Variants in OPHN1 observed in about 807,000 individuals in gnomAD.
The protein encoded by OPHN1 is oligophrenin 1.
OPHN1 carries 11 observed loss-of-function variants against 60.7 expected under a neutral mutation model. That is an observed-to-expected ratio of 0.18 (90% CI 0.11 to 0.30). OPHN1 has a LOEUF of 0.30. Ranked by LOEUF, OPHN1 falls within the 10% of genes least tolerant of loss-of-function variation. The pLI, the probability that OPHN1 is intolerant of heterozygous loss-of-function variation, is 1.00. For synonymous variants in OPHN1, 226 were observed against 222.6 expected (o/e 1.02, Z -0.14); for missense variants, 449 against 611.0 (o/e 0.73, Z 2.80).
chrX:68,274,935 T>C, intron 4 of OPHN1, 126 bp from the exon 5 acceptor site: 1 of 478,336 alleles, frequency 2.1e-6, no homozygotes, highest in Non-Finnish European at 3.6e-6. Flanking sequence ...GCTGATTTGT[T>C]GGGTTTTGTT....
At chrX:68,259,644 A>G (rs1355403684) in intron 5 of OPHN1, among the ~76,000 whole-genome samples, 2 of 111,594 alleles carry the variant, frequency 1.8e-5, no homozygotes, top group Non-Finnish European at 3.8e-5. Context: ...CTATGTGGTA[A>G]GTACTATAAT....
intron 2 of OPHN1, among the ~76,000 whole-genome samples, chrX:68,343,328 A>G (rs1423305214): frequency 9.2e-6 from 1 of 108,194 alleles, no homozygotes; most frequent in Non-Finnish European, 1.9e-5. Flanking sequence ...CACAGCTGTA[A>G]TCCCAGCACT....
chrX:68,339,085 A>AT (rs1569285077), intron 2 of OPHN1, among the ~76,000 whole-genome samples: 5 of 99,571 alleles, frequency 5.0e-5, no homozygotes, highest in African/African-American at 1.6e-4. Flanking sequence ...CTGAAAAAAA[A>AT]AAATATATAT....
At chrX:68,264,619 ATTT>A (rs1467569795) in intron 5 of OPHN1, among the ~76,000 whole-genome samples, 1 of 111,834 alleles carries the variant, frequency 8.9e-6, no homozygotes, top group East Asian at 2.8e-4. Flanking sequence ...AAGATGGGTG[ATTT>A]CTGCATTTCC....
chrX:68,211,942 G>T (rs1031411979), intron 8 of OPHN1, among the ~76,000 whole-genome samples, 166 bp downstream of exon 8: 1 of 112,113 alleles, frequency 8.9e-6, no homozygotes, highest in Non-Finnish European at 1.9e-5. Flanking sequence ...TGTGAAAGTG[G>T]AAGAGCAAGA....
At chrX:68,223,215 C>A (rs1271105630) in intron 6 of OPHN1, among the ~76,000 whole-genome samples, 1 of 111,857 alleles carries the variant, frequency 8.9e-6, no homozygotes, top group Non-Finnish European at 1.9e-5. Flanking sequence ...GAAGTCATTA[C>A]ATCAGAAAAG....
chrX:68,215,339 A>G (rs960727567), intron 6 of OPHN1, among the ~76,000 whole-genome samples: 13 of 111,701 alleles, frequency 1.2e-4, no homozygotes, highest in Admixed American at 9.5e-4. Flanking sequence ...GAACAATTAC[A>G]AAAGATGTTA....
At chrX:68,158,632 T>A (rs1403668690) in intron 15 of OPHN1, among the ~76,000 whole-genome samples, 2 of 112,312 alleles carry the variant, frequency 1.8e-5, no homozygotes, top group Non-Finnish European at 1.9e-5. Flanking sequence ...AGCAAGAGTC[T>A]GTGGCATCTG....
intron 2 of OPHN1, among the ~76,000 whole-genome samples, chrX:68,404,933 G>A (rs976446330): frequency 5.4e-5 from 6 of 111,198 alleles, no homozygotes; most frequent in Admixed American, 2.9e-4. Context: ...GGGGGAATTA[G>A]CATTTAGTGG....
At chrX:68,416,554 C>G (rs1290164862) in intron 2 of OPHN1, among the ~76,000 whole-genome samples, 2 of 111,742 alleles carry the variant, frequency 1.8e-5, no homozygotes. Context: ...GAGATCAGAA[C>G]TGAGACTGTG....
chrX:68,343,105 C>A (rs2078361517), intron 2 of OPHN1, among the ~76,000 whole-genome samples: 1 of 108,952 alleles, frequency 9.2e-6, no homozygotes, highest in South Asian at 4.1e-4. Context: ...AAAACCCCAT[C>A]TCCACTAAAA....
intron 4 of OPHN1, among the ~76,000 whole-genome samples, chrX:68,282,234 G>A (rs929539705): frequency 2.7e-5 from 3 of 111,050 alleles, no homozygotes; most frequent in Non-Finnish European, 5.6e-5. Context: ...ATTACTTAAT[G>A]ATAAAAATAA....
In OPHN1 at chrX:68,121,517, A is replaced by G. The variant is rs376937676; in HGVS notation, c.1277-2185T>C. On this transcript the variant is annotated intron_variant, in intron 15 of 24. Transcript: ENST00000355520. ...GGGAGCATTTAAACCAGCCCTAGCT[A>G]GAGGGGAATCACACATCCTAGTTCT... is the stretch of plus-strand genomic sequence containing the variant. Among the ~76,000 whole-genome samples, 4 of 111,331 alleles carry G rather than the reference A, an allele frequency of 3.6e-5. No homozygotes were observed. The South Asian group carries it at 1.2e-3, about 32-fold the overall frequency.
intron 3 of OPHN1, among the ~76,000 whole-genome samples, chrX:68,283,515 C>T (rs1300471997): frequency 9.0e-6 from 1 of 111,274 alleles, no homozygotes; most frequent in Non-Finnish European, 1.9e-5. Context: ...GCTGTAAAAA[C>T]TAAATTGGAT....
chrX:68,172,530 T>C lies in OPHN1; in HGVS notation c.1276+20389A>G, dbSNP rs554404436. Among the ~76,000 whole-genome samples the C allele has an allele frequency of 1.4e-4, 16 of 111,554 alleles. No homozygotes were observed. The South Asian group carries it at 3.0e-3, about 21-fold the overall frequency. ...GGGCATAAAAATCTTCTATGACAGA[T>C]TTATCATATGGGTATAACACTCATT... is the stretch of plus-strand genomic sequence containing the variant. On this transcript the variant is annotated intron_variant, in intron 15 of 24. Transcript: ENST00000355520.
At chrX:68,225,242 G>T (rs1458263637) in intron 6 of OPHN1, among the ~76,000 whole-genome samples, 2 of 111,997 alleles carry the variant, frequency 1.8e-5, no homozygotes, top group Non-Finnish European at 3.8e-5. Flanking sequence ...ATTGGGTGGA[G>T]CCCACCACAG....
At chrX:68,108,180 C>T (rs943024749) in intron 18 of OPHN1, among the ~76,000 whole-genome samples, 1 of 112,335 alleles carries the variant, frequency 8.9e-6, no homozygotes, top group Admixed American at 9.5e-5. Context: ...GTTTCTACGT[C>T]CTTTGGACAT....
intron 15 of OPHN1, among the ~76,000 whole-genome samples, chrX:68,177,901 A>T (rs943253129): frequency 8.9e-6 from 1 of 112,026 alleles, no homozygotes; most frequent in African/African-American, 3.2e-5. Context: ...GATACAAACC[A>T]TATCAGCTGC....
At chrX:68,357,098 T>G (rs1034582658) in intron 2 of OPHN1, among the ~76,000 whole-genome samples, 9 of 111,521 alleles carry the variant, frequency 8.1e-5, no homozygotes, top group African/African-American at 2.9e-4. Context: ...TAAAACTCAG[T>G]GAATTGTACA....
Sources: gnomAD v4.1 joint callset for allele counts (sites outside exome capture counted in the v4.1 genomes callset) on GRCh38, gnomAD v4.1.1 for gene constraint, MANE v1.5 for transcripts, NCBI Gene and HGNC (gene_info 2026-07-23, HGNC 2026-07-21) for gene names.